The following ZNF385B variants were observed in gnomAD, a reference collection of about 807,000 sequenced individuals.
ZNF385B encodes the protein zinc finger protein 533.
A neutral mutation model predicts 39.2 loss-of-function variants in ZNF385B; 23 were observed. That is an observed-to-expected ratio of 0.59 (90% CI 0.42 to 0.83). The LOEUF is 0.83. Among genes scored for constraint, ZNF385B ranks in the 40% least tolerant of loss-of-function variants. The pLI, the probability that ZNF385B is intolerant of heterozygous loss-of-function variation, is 0.00. For synonymous variants in ZNF385B, 205 were observed against 222.6 expected, an observed-to-expected ratio of 0.92 and a Z score of 0.70; for missense variants, 552 against 598.9, an observed-to-expected ratio of 0.92 and a Z score of 0.82.
At chr2:179,646,180 C>T (rs1692698157) in intron 3 of ZNF385B, among the ~76,000 whole-genome samples, 1 of 152,078 alleles carries the variant, frequency 6.6e-6, no homozygotes, top group Non-Finnish European at 1.5e-5. Flanking sequence ...TTTGGGAGGC[C>T]GAGGCGGGCA....
At chr2:179,476,040 AAG>A (rs2053412408) in intron 6 of ZNF385B, among the ~76,000 whole-genome samples, 2 of 150,908 alleles carry the variant, frequency 1.3e-5, no homozygotes, top group Admixed American at 1.3e-4. Flanking sequence ...AAAAAAAAAA[AAG>A]CGGACCCAGA....
intron 3 of ZNF385B, among the ~76,000 whole-genome samples, chr2:179,662,196 TATATAC>T: frequency 6.6e-6 from 1 of 152,274 alleles, no homozygotes; most frequent in Non-Finnish European, 1.5e-5. Flanking sequence ...GAAGCTGTGG[TATATAC>T]AAAAGTTTGC....
rs184315834 is a variant in ZNF385B at position 179,844,800 on chromosome 2, T to C, written c.-155+16301A>G. ...GCAACACTACTTATATCAAGCTCTA[T>C]CACTCTCAGAACTTGAAAATCCAAT... On this transcript the variant is annotated intron_variant, in intron 1 of 9. Coordinates refer to ENST00000410066, the MANE Select transcript of ZNF385B (RefSeq NM_152520.6). 1.9e-3 allele frequency among the ~76,000 whole-genome samples: 282 copies of C among 152,316 alleles called. 1 individual carries two copies. Among genetic ancestry groups the C allele is most frequent in the African/African-American group, 6.5e-3 (270 of 41,566 alleles).
chr2:179,695,757 T>C (rs1056127930), intron 3 of ZNF385B, among the ~76,000 whole-genome samples: 1 of 152,194 alleles, frequency 6.6e-6, no homozygotes, highest in African/African-American at 2.4e-5. Flanking sequence ...TGCAAAATGA[T>C]GCAGCCACAG....
intron 1 of ZNF385B, among the ~76,000 whole-genome samples, chr2:179,812,247 C>A (rs1294418070): frequency 6.6e-6 from 1 of 152,114 alleles, no homozygotes; most frequent in Non-Finnish European, 1.5e-5. Context: ...TCTCAAAGAA[C>A]CTAAAACAGA....
intron 1 of ZNF385B, among the ~76,000 whole-genome samples, chr2:179,849,477 TCTCTA>T (rs1306915549): frequency 1.3e-5 from 2 of 152,176 alleles, no homozygotes; most frequent in Non-Finnish European, 2.9e-5. Flanking sequence ...GGTTTTCTCT[TCTCTA>T]ATTTTGGAGA....
At chr2:179,537,895 G>A (rs1437969939) in intron 4 of ZNF385B, among the ~76,000 whole-genome samples, 1 of 150,246 alleles carries the variant, frequency 6.7e-6, no homozygotes, top group African/African-American at 2.4e-5. Flanking sequence ...TTTTTCTAAT[G>A]ATCTGGGGAA....
chr2:179,660,996 G>A (rs1035904582), intron 3 of ZNF385B, among the ~76,000 whole-genome samples: 2 of 152,122 alleles, frequency 1.3e-5, no homozygotes, highest in African/African-American at 4.8e-5. Context: ...GCTTCCCAGA[G>A]TCCTAATAGT....
Position 179,686,478 on chromosome 2 carries a change from A to G in ZNF385B, c.298+83025T>C, listed in dbSNP as rs115339418. On this transcript the variant is annotated intron_variant, in intron 3 of 9. Transcript: ENST00000410066. ...ATTAGAAATTGGCTTGGGGAAAGGAAGGCTGAAGGAGATCTGGGTTCTACC... is the reference window on the plus strand; with the variant it reads ...ATTAGAAATTGGCTTGGGGAAAGGAGGGCTGAAGGAGATCTGGGTTCTACC... Among the ~76,000 whole-genome samples, 438 of 152,318 alleles carry G rather than the reference A, an allele frequency of 2.9e-3. 3 individuals are homozygous for G. Among genetic ancestry groups the G allele is most frequent in the African/African-American group, 0.01 (423 of 41,570 alleles).
In ZNF385B at chr2:179,809,563, A is replaced by G. The variant is rs76312684; in HGVS notation, c.-154-38891T>C. ...TCTTATGCTACATACAGTGCTAAAAAATTTAATCATAGATTCAACTACAGA... is the reference window on the plus strand; with the variant it reads ...TCTTATGCTACATACAGTGCTAAAAGATTTAATCATAGATTCAACTACAGA... On this transcript the variant is annotated intron_variant, in intron 1 of 9. Transcript: ENST00000410066. 4.3e-3 allele frequency among the ~76,000 whole-genome samples: 661 copies of G among 152,258 alleles called. 3 individuals are homozygous for G. Among genetic ancestry groups the G allele is most frequent in the Middle Eastern group, 0.02 (6 of 294 alleles).
At chr2:179,723,048 C>G (rs1200922618) in intron 3 of ZNF385B, among the ~76,000 whole-genome samples, 2 of 152,110 alleles carry the variant, frequency 1.3e-5, no homozygotes, top group Non-Finnish European at 2.9e-5. Context: ...TTTAAAAAGT[C>G]AGACAGTCTC....
chr2:179,842,353 C>T (rs1258505268), intron 1 of ZNF385B, among the ~76,000 whole-genome samples: 1 of 152,102 alleles, frequency 6.6e-6, no homozygotes, highest in East Asian at 1.9e-4. Flanking sequence ...AGAAATTTCT[C>T]CTCATTCACT....
chr2:179,692,732 T>A (rs1010388259), intron 3 of ZNF385B, among the ~76,000 whole-genome samples: 2 of 152,150 alleles, frequency 1.3e-5, no homozygotes. Context: ...TGAGAGACCA[T>A]CTCTCAAAAG....
At chr2:179,683,695 C>T (rs932148931) in intron 3 of ZNF385B, among the ~76,000 whole-genome samples, 3 of 152,024 alleles carry the variant, frequency 2.0e-5, no homozygotes, top group East Asian at 1.9e-4. Context: ...AGGCTAGTCT[C>T]GAACTCCTGA....
chr2:179,745,928 A>G (rs1433799353), intron 3 of ZNF385B: 3 of 1,238,872 alleles, frequency 2.4e-6, no homozygotes, highest in Non-Finnish European at 2.0e-6. Context: ...CTCATTGAAA[A>G]TCCTTTACAT....
chr2:179,557,527 ATGT>A (rs2060995620), intron 3 of ZNF385B, among the ~76,000 whole-genome samples: 1 of 128,442 alleles, frequency 7.8e-6, no homozygotes, highest in African/African-American at 2.8e-5. Context: ...TTATATGTGT[ATGT>A]TATATACATG....
chr2:179,811,776 C>A (rs1706748374), intron 1 of ZNF385B, among the ~76,000 whole-genome samples: 2 of 151,896 alleles, frequency 1.3e-5, no homozygotes, highest in African/African-American at 4.8e-5. Flanking sequence ...GCAACTGCCA[C>A]ACACACAAAA....
At chr2:179,707,434 G>A (rs1247252129) in intron 3 of ZNF385B, among the ~76,000 whole-genome samples, 5 of 152,238 alleles carry the variant, frequency 3.3e-5, no homozygotes, top group African/African-American at 9.6e-5. Flanking sequence ...CTGGCTAAAT[G>A]AGAGCAACAT....
intron 3 of ZNF385B, among the ~76,000 whole-genome samples, chr2:179,768,768 C>T (rs981263464): frequency 2.0e-5 from 3 of 152,164 alleles, no homozygotes; most frequent in African/African-American, 7.2e-5. Flanking sequence ...TACCCAGTGA[C>T]CAGCAATGTG....
Sources: gnomAD v4.1 joint callset for allele counts (sites outside exome capture counted in the v4.1 genomes callset) on GRCh38, gnomAD v4.1.1 for gene constraint, MANE v1.5 for transcripts, NCBI Gene and HGNC (gene_info 2026-07-23, HGNC 2026-07-21) for gene names.